The following KLF7 variants were observed in gnomAD, a reference collection of about 807,000 sequenced individuals.
KLF7 encodes Krueppel-like factor 7.
A neutral mutation model predicts 27.3 loss-of-function variants in KLF7; 2 were observed. That is an observed-to-expected ratio of 0.07 (90% CI 0.03 to 0.23). The LOEUF (loss-of-function observed/expected upper bound fraction) is 0.23, where lower values mean the gene tolerates loss of function less well. KLF7 is among the 10% of genes least tolerant of loss of function. The probability of loss-of-function intolerance (pLI) is 1.00; values close to 1 mark genes in which losing one functional copy is unlikely to be tolerated. For missense variants in KLF7, 221 were observed against 394.1 expected (o/e 0.56, Z 3.72); for synonymous variants, 165 against 162.4 (o/e 1.02, Z -0.12).
chr2:207,114,785 C>T (rs1004757809), intron 2 of KLF7, among the ~76,000 whole-genome samples: 11 of 152,186 alleles, frequency 7.2e-5, no homozygotes, highest in Admixed American at 7.2e-4. Flanking sequence ...CCATGGAGGT[C>T]AAGTTCTTTC....
chr2:207,167,008 G>T (rs1362649902), upstream of KLF7: 2 of 862,798 alleles, frequency 2.3e-6, no homozygotes, highest in African/African-American at 3.6e-5. Context: ...TCGGGAGTCC[G>T]GCGGCTAGAG....
intron 1 of KLF7, among the ~76,000 whole-genome samples, chr2:207,152,016 AAAGG>A (rs900314929): frequency 6.6e-6 from 1 of 152,206 alleles, no homozygotes; most frequent in African/African-American, 2.4e-5. Flanking sequence ...AAGCATTAGA[AAAGG>A]AAGGCCAAGT....
At chr2:207,147,177 G>A (rs1328405879) in intron 1 of KLF7, among the ~76,000 whole-genome samples, 2 of 152,194 alleles carry the variant, frequency 1.3e-5, no homozygotes, top group Non-Finnish European at 2.9e-5. Flanking sequence ...ATTATAGACA[G>A]TGGTTAGTGG....
chr2:207,088,623 A>T (rs1019332758), intron 2 of KLF7, 42 bp from the exon 3 acceptor site: 1 of 1,602,160 alleles, frequency 6.2e-7, no homozygotes, highest in African/African-American at 1.3e-5. Context: ...CAGCAGGAAC[A>T]AAAGGGATTA....
chr2:207,132,116 A>G (rs572812425), intron 1 of KLF7, among the ~76,000 whole-genome samples: 39 of 152,318 alleles, frequency 2.6e-4, no homozygotes, highest in African/African-American at 9.4e-4. Flanking sequence ...CATCTAGAAA[A>G]TGTGGATAAT....
intron 2 of KLF7, among the ~76,000 whole-genome samples, chr2:207,116,714 C>T (rs1408028218): frequency 6.6e-6 from 1 of 152,164 alleles, no homozygotes; most frequent in African/African-American, 2.4e-5. Flanking sequence ...TTCTCAATGT[C>T]ATTTTTTCAT....
At chr2:207,093,145 T>G (rs1442188116) in intron 2 of KLF7, among the ~76,000 whole-genome samples, 1 of 152,210 alleles carries the variant, frequency 6.6e-6, no homozygotes, top group Non-Finnish European at 1.5e-5. Context: ...CTCTTTGACA[T>G]CCACTGGATT....
At chr2:207,081,679 CTG>C (rs753653312) in intron 3 of KLF7, among the ~76,000 whole-genome samples, 3 of 152,072 alleles carry the variant, frequency 2.0e-5, no homozygotes, top group Non-Finnish European at 4.4e-5. Context: ...CTTTTGAAAC[CTG>C]TGTCATGCCT....
rs924039378 is a variant in KLF7 at position 207,076,755 on chromosome 2, A to T, written c.*4458T>A. 6.6e-6 allele frequency: 1 copy of T among 152,156 alleles called. No individual in the cohort carries two copies. Among genetic ancestry groups the T allele is most frequent in the African/African-American group, 2.4e-5 (1 of 41,422 alleles). The allele number at this position is 152,156 out of a possible 1,614,324, so 9.4% of individuals were successfully genotyped here. On this transcript the variant is annotated 3_prime_UTR_variant, in exon 4 of 4. Transcript: ENST00000309446. ...CTAGTTTTCAAACTGAGATATCACC[A>T]TGTTCACCGAAATTTAATCCAGACA...
intron 1 of KLF7, among the ~76,000 whole-genome samples, chr2:207,139,728 C>T (rs1365860862): frequency 6.6e-6 from 1 of 152,196 alleles, no homozygotes; most frequent in Non-Finnish European, 1.5e-5. Flanking sequence ...GTTTTGACAA[C>T]ACCCTTAATT....
upstream of KLF7, among the ~76,000 whole-genome samples, chr2:207,169,443 T>A (rs1413695083): frequency 6.6e-6 from 1 of 152,218 alleles, no homozygotes; most frequent in Non-Finnish European, 1.5e-5. Context: ...GTAAATCTAC[T>A]TAAAGCTGGG....
At chr2:207,118,172 A>G (rs1300129523) in intron 2 of KLF7, among the ~76,000 whole-genome samples, 3 of 152,220 alleles carry the variant, frequency 2.0e-5, no homozygotes, top group Admixed American at 1.3e-4. Context: ...CCATGTTGTG[A>G]TAATACTGAC....
Position 207,074,153 on chromosome 2 carries a change from T to G in KLF7, c.*7060A>C, listed in dbSNP as rs1221989547. 6.6e-6 allele frequency: 1 copy of G among 152,162 alleles called. No homozygotes were observed. Among genetic ancestry groups the G allele is most frequent in the Non-Finnish European group, 1.5e-5 (1 of 68,018 alleles). 9.4% of individuals were successfully genotyped at this position (152,162 alleles called of 1,614,324 possible). On this transcript the variant is annotated 3_prime_UTR_variant, in exon 4 of 4. Transcript: ENST00000309446. ...TAGCCACGGTTTCTAAAGTAAACAT[T>G]TATTGGAAAGTTTCTTGTCAGATTC...
intron 1 of KLF7, among the ~76,000 whole-genome samples, chr2:207,129,213 TTC>T: frequency 6.6e-6 from 1 of 152,248 alleles, no homozygotes; most frequent in Non-Finnish European, 1.5e-5. Context: ...ACCAGAGATT[TTC>T]TCTGTTCAAA....
intron 1 of KLF7, among the ~76,000 whole-genome samples, chr2:207,162,837 A>G (rs2078586817): frequency 6.6e-6 from 1 of 152,234 alleles, no homozygotes; most frequent in Non-Finnish European, 1.5e-5. Flanking sequence ...CATCTCCATG[A>G]GCCCAGGTAC....
At chr2:207,102,773 C>G (rs776194603) in intron 2 of KLF7, among the ~76,000 whole-genome samples, 1 of 152,130 alleles carries the variant, frequency 6.6e-6, no homozygotes, top group African/African-American at 2.4e-5. Flanking sequence ...CTCCCCTTAT[C>G]CCTAGGTAAG....
At chr2:207,145,053 C>T (rs560109110) in intron 1 of KLF7, among the ~76,000 whole-genome samples, 3 of 152,254 alleles carry the variant, frequency 2.0e-5, no homozygotes, top group East Asian at 1.9e-4. Flanking sequence ...CTCACCAGTC[C>T]GTTCTGGGGC....
intron 2 of KLF7, among the ~76,000 whole-genome samples, chr2:207,118,761 A>AC (rs1574491159): frequency 6.6e-6 from 1 of 152,240 alleles, no homozygotes; most frequent in Admixed American, 6.5e-5. Context: ...AATGTCTGGG[A>AC]CATAGCAAGT....
At chr2:207,142,396 T>C (rs1416708393) in intron 1 of KLF7, among the ~76,000 whole-genome samples, 1 of 152,238 alleles carries the variant, frequency 6.6e-6, no homozygotes, top group Non-Finnish European at 1.5e-5. Context: ...AGTTATTTAC[T>C]GAGCTTCCAC....
Sources: gnomAD v4.1 joint callset for allele counts (sites outside exome capture counted in the v4.1 genomes callset) on GRCh38, gnomAD v4.1.1 for gene constraint, MANE v1.5 for transcripts, NCBI Gene and HGNC (gene_info 2026-07-23, HGNC 2026-07-21) for gene names.